The following FAT1 variants were observed in gnomAD, a reference collection of about 807,000 sequenced individuals.
FAT1 encodes protocadherin Fat 1.
Under a neutral mutation model 329.8 loss-of-function variants are expected in FAT1, and 171 were observed. The observed-to-expected ratio is 0.52, with a 90% CI of 0.46 to 0.59. FAT1 has a LOEUF of 0.59. FAT1 is among the 20% of genes least tolerant of loss of function. FAT1 has a pLI of 0.00. For missense variants in FAT1, 5,672 were observed against 5,774.4 expected (o/e 0.98, Z 0.57); for synonymous variants, 2,233 against 2,228.6 (o/e 1.00, Z -0.06).
Position 186,619,416 on chromosome 4 carries a change from A to G in FAT1, c.7170T>C (p.Phe2390=), listed in dbSNP as rs374306494. The stretch of plus-strand genomic sequence containing the variant: ...TTCTGGCTTCATAAATCTGTTGTTC[A>G]AAGAGTGGTGGATTATCATTGAGGT... ...VTDLNDNPPL[F]EQQIYEARIS... Residue 2390 remains phenylalanine (F), a synonymous_variant, in exon 10 of 27, where the codon TTT becomes TTC. Coordinates refer to ENST00000441802, the MANE Select transcript of FAT1 (RefSeq NM_005245.4). 1.3e-4 allele frequency: 207 copies of G among 1,614,012 alleles called. No individual in the cohort carries two copies. The South Asian group carries it at 2.1e-3, about 17-fold the overall frequency.
intron 1 of FAT1, among the ~76,000 whole-genome samples, chr4:186,721,294 G>A (rs1008038656): frequency 6.6e-6 from 1 of 152,192 alleles, no homozygotes. Flanking sequence ...TTCCTCATCA[G>A]AATATATTTT....
At chr4:186,605,975 G>C (rs1018423202) in intron 17 of FAT1, 95 bp downstream of exon 17, 3 of 1,212,578 alleles carry the variant, frequency 2.5e-6, no homozygotes, top group Non-Finnish European at 3.5e-6. Flanking sequence ...CATTTTTCTA[G>C]AAAGAAACCT....
chr4:186,626,544 G>C (rs1342501533), intron 9 of FAT1, among the ~76,000 whole-genome samples: 1 of 132,088 alleles, frequency 7.6e-6, no homozygotes. Flanking sequence ...CATGGCACCT[G>C]GCACATAAAG....
intron 2 of FAT1, 97 bp downstream of exon 2, chr4:186,706,466 A>G (rs2126681329): frequency 7.5e-7 from 1 of 1,328,660 alleles, no homozygotes; most frequent in Non-Finnish European, 1.0e-6. Context: ...CCCAAAGAGC[A>G]ACAGGGAATT....
rs144209861 is a variant in FAT1 at position 186,625,398 on chromosome 4, T to C, written c.4810+2756A>G. On this transcript the variant is annotated intron_variant, in intron 9 of 26. Coordinates refer to ENST00000441802, the MANE Select transcript of FAT1 (RefSeq NM_005245.4). ...TTTGTGACTAATGAACTCGATTTGG[T>C]TGTTTTAAGGGAAACAAATGAAATT... Among the ~76,000 whole-genome samples, 467 of 152,332 alleles carry C rather than the reference T, an allele frequency of 3.1e-3. 2 individuals are homozygous for C. Among genetic ancestry groups the C allele is most frequent in the African/African-American group, 0.01 (433 of 41,560 alleles).
intron 12 of FAT1, 77 bp from the exon 13 acceptor site, chr4:186,613,419 T>C (rs934046501): frequency 1.8e-6 from 2 of 1,092,568 alleles, no homozygotes; most frequent in African/African-American, 3.1e-5. Context: ...CCTCCCCTTT[T>C]GTCTTTCAAT....
chr4:186,611,553 A>G lies in FAT1; in HGVS notation c.9686T>C (p.Val3229Ala), dbSNP rs1355548952. 1 of 1,613,956 alleles carries G rather than the reference A, an allele frequency of 6.2e-7. No individual in the cohort carries two copies. Among genetic ancestry groups the G allele is most frequent in the East Asian group, 2.2e-5 (1 of 44,872 alleles). Residue 3229 changes from valine to alanine, a missense_variant, in exon 14 of 27, where the codon GTG becomes GCG. Val to Ala is a moderately conservative substitution (Grantham distance 64). Around this residue, in one of 2 missense-constraint regions of FAT1, gnomAD observed 1,706 missense variants for 1,859.1 expected, o/e 0.92. Coordinates refer to ENST00000441802, the MANE Select transcript of FAT1 (RefSeq NM_005245.4). ...SVLDINDNPP[V>A]FEYREYGATV... is the part of the protein sequence containing the mutation. The stretch of plus-strand genomic sequence containing the variant: ...GGCACCATATTCACGGTACTCAAAC[A>G]CAGGGGGGTTGTCATTTATGTCAAG...
At position 186,617,985 on chromosome 4, in the gene FAT1, G is replaced by C. The variant is rs778427697; in HGVS notation, c.8601C>G (p.Gly2867=). The C allele has an allele frequency of 7.4e-6, 12 of 1,613,982 alleles. No homozygotes were observed. The highest frequency in any genetic ancestry group is 1.0e-5 in the Non-Finnish European group (12 of 1,179,890). ...IESFAINMET[G]WITTLKELDH... ...CAAGTTCCTTTAAAGTTGTAATCCA[G>C]CCTGTTTCCATGTTAATGGCAAAGG... is the stretch of plus-strand genomic sequence containing the variant. The change falls in exon 10 of 27, where the codon GGC becomes GGG. Residue 2867 remains glycine (G), a synonymous_variant. Coordinates refer to ENST00000441802, the MANE Select transcript of FAT1 (RefSeq NM_005245.4).
At chr4:186,645,621 G>A (rs915661042) in intron 3 of FAT1, among the ~76,000 whole-genome samples, 3 of 150,844 alleles carry the variant, frequency 2.0e-5, no homozygotes, top group African/African-American at 7.3e-5. Context: ...AACCAGGGAG[G>A]GACTGAAGAC....
intron 22 of FAT1, among the ~76,000 whole-genome samples, chr4:186,599,505 A>G (rs1738691343): frequency 6.6e-6 from 1 of 152,182 alleles, no homozygotes. Context: ...GCCAGCAAGA[A>G]TCTAGCAGGC....
intron 26 of FAT1, among the ~76,000 whole-genome samples, chr4:186,593,785 C>T (rs1360909723): frequency 6.6e-6 from 1 of 152,064 alleles, no homozygotes; most frequent in Non-Finnish European, 1.5e-5. Context: ...TGACTTAAGC[C>T]CTGTGAGACA....
At chr4:186,627,524 G>GT (rs77562147) in intron 9 of FAT1, among the ~76,000 whole-genome samples, 6,564 of 151,940 alleles carry the variant, frequency 0.043, 319 homozygotes, top group East Asian at 0.19. Flanking sequence ...AGCTCCAGCT[G>GT]TTTTTTTTGC....
At chr4:186,706,159 G>A (rs981415347) in intron 2 of FAT1, among the ~76,000 whole-genome samples, 5 of 152,174 alleles carry the variant, frequency 3.3e-5, no homozygotes, top group African/African-American at 4.8e-5. Flanking sequence ...ACGCCAGATG[G>A]TAGCAGTAGT....
chr4:186,717,427 A>T (rs1745265082), intron 1 of FAT1, among the ~76,000 whole-genome samples: 1 of 152,222 alleles, frequency 6.6e-6, no homozygotes, highest in African/African-American at 2.4e-5. Flanking sequence ...TGGGGCTGCA[A>T]TAATCTGGTA....
chr4:186,674,877 T>C (rs1369666280), intron 2 of FAT1, among the ~76,000 whole-genome samples: 1 of 151,850 alleles, frequency 6.6e-6, no homozygotes, highest in Non-Finnish European at 1.5e-5. Flanking sequence ...TTACAAAAAA[T>C]ACAAAAATTA....
At chr4:186,684,731 C>A (rs1743385905) in intron 2 of FAT1, among the ~76,000 whole-genome samples, 1 of 151,978 alleles carries the variant, frequency 6.6e-6, no homozygotes, top group South Asian at 2.1e-4. Flanking sequence ...CAGTGAAACA[C>A]TTTCAGACAC....
Position 186,709,533 on chromosome 4 carries a change from T to C in FAT1, c.295A>G (p.Arg99Gly), listed in dbSNP as rs1744842106. ...ATAGCTGTATTTCCTCCTTTGGTCC[T>C]TATTCTTAGAAAGCAAAAGTCTCCG... ...ILGDFCFLRI[R>G]TKGGNTAILN... is the part of the protein sequence containing the mutation. The change falls in exon 2 of 27, where the codon AGG (arginine) becomes GGG (glycine). Residue 99 changes from arginine to glycine, a missense_variant. This residue lies in a region of FAT1 where 3,966 missense variants were observed against 3,915.2 expected (regional missense o/e 1.01). Coordinates refer to ENST00000441802, the MANE Select transcript of FAT1 (RefSeq NM_005245.4). 3 of 1,614,058 alleles carry C rather than the reference T, an allele frequency of 1.9e-6. No individual in the cohort carries two copies. The highest frequency in any genetic ancestry group is 1.7e-5 in the Admixed American group (1 of 60,030).
At chr4:186,616,896 T>A in intron 11 of FAT1, 109 bp downstream of exon 11, 1 of 950,808 alleles carries the variant, frequency 1.1e-6, no homozygotes, top group South Asian at 1.6e-5. Context: ...AATCAGTAAG[T>A]GATCATAAAA....
chr4:186,609,075 G>T, intron 16 of FAT1, 108 bp downstream of exon 16: 1 of 1,247,650 alleles, frequency 8.0e-7, no homozygotes. Context: ...GTCAGTTCTT[G>T]AGGCGGTCAG....
Sources: allele counts gnomAD v4.1 joint callset (sites outside exome capture counted in the v4.1 genomes callset), GRCh38; gene constraint gnomAD v4.1.1; regional missense constraint gnomAD v4.1.1; transcripts MANE v1.5; gene names NCBI Gene and HGNC (gene_info 2026-07-23, HGNC 2026-07-21).